Variants in ZNF609 observed in about 807,000 individuals in gnomAD.
The protein encoded by ZNF609 is zinc finger protein 609.
ZNF609 carries 11 observed loss-of-function variants against 109.5 expected under a neutral mutation model. The ratio of observed to expected loss-of-function variants is 0.10; its 90% CI spans 0.06 to 0.17. The LOEUF is 0.17. ZNF609 is among the 10% of genes least tolerant of loss of function. The pLI is 1.00. For synonymous variants in ZNF609, 646 were observed against 662.0 expected, an observed-to-expected ratio of 0.98 and a Z score of 0.37; for missense variants, 1,559 against 1,772.4, an observed-to-expected ratio of 0.88 and a Z score of 2.16.
At chr15:64,529,072 C>G in intron 2 of ZNF609, 1 of 1,104,832 alleles carries the variant, frequency 9.1e-7, no homozygotes, top group South Asian at 1.3e-5. Flanking sequence ...CTGGAGAGCC[C>G]TGCAGCCATC....
chr15:64,661,650 G>A (rs1446715778), intron 3 of ZNF609, among the ~76,000 whole-genome samples: 2 of 152,114 alleles, frequency 1.3e-5, no homozygotes, highest in Non-Finnish European at 2.9e-5. Context: ...CTCTTTTGTT[G>A]TCTCTTATGC....
chr15:64,623,183 C>G, intron 3 of ZNF609, 131 bp downstream of exon 3: 1 of 910,166 alleles, frequency 1.1e-6, no homozygotes, highest in Non-Finnish European at 1.7e-6. Flanking sequence ...CGGGAGATAC[C>G]CACACAGAGG....
intron 1 of ZNF609, among the ~76,000 whole-genome samples, chr15:64,465,171 TTTC>T (rs1892996899): frequency 6.6e-6 from 1 of 152,146 alleles, no homozygotes; most frequent in South Asian, 2.1e-4. Flanking sequence ...AAGGAGAAAA[TTTC>T]TTGCTTTCAG....
chr15:64,538,815 G>A (rs1894196541), intron 2 of ZNF609, among the ~76,000 whole-genome samples: 1 of 152,174 alleles, frequency 6.6e-6, no homozygotes, highest in Admixed American at 6.5e-5. Context: ...AAAGTGCTGG[G>A]ATTACAGACG....
chr15:64,640,775 A>G (rs1283725260), intron 3 of ZNF609, among the ~76,000 whole-genome samples: 3 of 152,226 alleles, frequency 2.0e-5, no homozygotes, highest in Non-Finnish European at 4.4e-5. Context: ...TTCTCCAGCC[A>G]TGGCTGCAGG....
chr15:64,625,080 CTATACTT>C lies in ZNF609; in HGVS notation c.973+2032_973+2038del, dbSNP rs536577570. ...GCCCAGTTTGTACTCTTAAGGTACT[CTATACTT>C]TATTTCATAGCACACATCACAGTTT... On this transcript the variant is annotated intron_variant, in intron 3 of 9. Coordinates refer to ENST00000326648, the MANE Select transcript of ZNF609 (RefSeq NM_015042.2). Among the ~76,000 whole-genome samples the C allele has an allele frequency of 3.7e-3, 556 of 152,140 alleles. 1 individual carries two copies. The highest frequency in any genetic ancestry group is 0.013 in the African/African-American group (526 of 41,506).
At chr15:64,667,689 G>A (rs1158676152) in intron 3 of ZNF609, among the ~76,000 whole-genome samples, 1 of 151,754 alleles carries the variant, frequency 6.6e-6, no homozygotes, top group Non-Finnish European at 1.5e-5. Flanking sequence ...TTCAGCCTGG[G>A]CAACAAGAGT....
chr15:64,609,863 A>C (rs1000735412), intron 2 of ZNF609, among the ~76,000 whole-genome samples: 1 of 150,842 alleles, frequency 6.6e-6, no homozygotes, highest in Non-Finnish European at 1.5e-5. Flanking sequence ...CCTCGTCTCT[A>C]CTAAAAATGC....
rs534648302 is a variant in ZNF609 at position 64,500,249 on chromosome 15, G to A, written c.747+83G>A. On this transcript the variant is annotated intron_variant, in intron 2 of 9. Coordinates refer to ENST00000326648, the MANE Select transcript of ZNF609 (RefSeq NM_015042.2). ...AACTGCCAAATACTATGTGTACTCT[G>A]TGGGAGGCTCATTAGTGTGTGGGTA... The A allele has an allele frequency of 1.1e-5, 17 of 1,536,928 alleles. No homozygotes were observed. The Admixed American group carries it at 2.1e-4, about 19-fold the overall frequency.
intron 2 of ZNF609, among the ~76,000 whole-genome samples, chr15:64,603,739 G>A (rs1401889179): frequency 4.0e-5 from 6 of 151,534 alleles, no homozygotes; most frequent in African/African-American, 7.3e-5. Flanking sequence ...GGTGGCTCAC[G>A]CCTGTAATCC....
chr15:64,558,157 G>T (rs546023245), intron 2 of ZNF609, among the ~76,000 whole-genome samples: 2 of 152,216 alleles, frequency 1.3e-5, no homozygotes, highest in South Asian at 2.1e-4. Context: ...CTCCCAAGAA[G>T]CTCACCATAC....
At chr15:64,619,077 AC>A (rs1895842573) in intron 2 of ZNF609, among the ~76,000 whole-genome samples, 1 of 151,994 alleles carries the variant, frequency 6.6e-6, no homozygotes, top group Non-Finnish European at 1.5e-5. Context: ...TACCCAGCAC[AC>A]CCGTGTCACT....
chr15:64,591,204 C>A (rs1397647726), intron 2 of ZNF609, among the ~76,000 whole-genome samples: 1 of 152,042 alleles, frequency 6.6e-6, no homozygotes, highest in Non-Finnish European at 1.5e-5. Context: ...CCAAGGCTGG[C>A]GGATCATGAG....
At chr15:64,665,042 G>T (rs1321820369) in intron 3 of ZNF609, among the ~76,000 whole-genome samples, 1 of 152,178 alleles carries the variant, frequency 6.6e-6, no homozygotes, top group African/African-American at 2.4e-5. Flanking sequence ...ATCAGAGCAG[G>T]CCACCTTTTG....
intron 2 of ZNF609, among the ~76,000 whole-genome samples, chr15:64,542,535 A>T (rs1039534095): frequency 6.6e-6 from 1 of 152,168 alleles, no homozygotes; most frequent in African/African-American, 2.4e-5. Flanking sequence ...CTATATTTTT[A>T]TATTTTACAT....
intron 2 of ZNF609, among the ~76,000 whole-genome samples, chr15:64,514,111 G>A (rs1344122095): frequency 6.7e-6 from 1 of 149,924 alleles, no homozygotes; most frequent in Admixed American, 6.7e-5. Context: ...AAAACCACCA[G>A]TTCAAATCTC....
chr15:64,581,580 G>A (rs908959005), intron 2 of ZNF609, among the ~76,000 whole-genome samples: 7 of 152,170 alleles, frequency 4.6e-5, no homozygotes, highest in South Asian at 2.1e-4. Context: ...GGGAACCACC[G>A]GAAAGGTCAA....
chr15:64,646,939 CAAA>C (rs10628744), intron 3 of ZNF609, among the ~76,000 whole-genome samples: 13 of 59,774 alleles, frequency 2.2e-4, no homozygotes, highest in Admixed American at 1.0e-3. Context: ...GACTCTGTCT[CAAA>C]AAAAAAAAAA....
At chr15:64,535,595 G>GT (rs1300236468) in intron 2 of ZNF609, among the ~76,000 whole-genome samples, 1 of 152,146 alleles carries the variant, frequency 6.6e-6, no homozygotes, top group Non-Finnish European at 1.5e-5. Context: ...TTTATATACA[G>GT]TTTTTTGTGT....
Sources: gnomAD v4.1 joint callset for allele counts (sites outside exome capture counted in the v4.1 genomes callset) on GRCh38, gnomAD v4.1.1 for gene constraint, MANE v1.5 for transcripts, NCBI Gene and HGNC (gene_info 2026-07-23, HGNC 2026-07-21) for gene names.